Variants in MMP26 observed in about 807,000 individuals in gnomAD.
The protein encoded by MMP26 is matrix metallopeptidase 26, also known as matrix metalloproteinase-26.
In MMP26, 33 loss-of-function variants were observed where a neutral mutation model predicts 31.0. The observed-to-expected ratio is 1.06, with a 90% CI of 0.81 to 1.42. The LOEUF (loss-of-function observed/expected upper bound fraction) is 1.42. Ranked by LOEUF, MMP26 falls within the 40% of genes most tolerant of loss-of-function variation. The pLI, the probability that MMP26 is intolerant of heterozygous loss-of-function variation, is 0.00. For missense variants in MMP26, 347 were observed against 316.1 expected, an observed-to-expected ratio of 1.10 and a Z score of -0.74; for synonymous variants, 122 against 114.9, an observed-to-expected ratio of 1.06 and a Z score of -0.40.
chr11:4,930,687 T>C (rs1851334614), intron 2 of MMP26, among the ~76,000 whole-genome samples: 1 of 152,086 alleles, frequency 6.6e-6, no homozygotes, highest in South Asian at 2.1e-4. Flanking sequence ...TTTTAGCAAA[T>C]TGAAATTATT....
At chr11:4,784,204 G>T (rs928482868) in intron 2 of MMP26, among the ~76,000 whole-genome samples, 1 of 152,186 alleles carries the variant, frequency 6.6e-6, no homozygotes, top group South Asian at 2.1e-4. Flanking sequence ...CAGCATTTCA[G>T]CTGGGGCAGT....
rs1191357549 is a variant in MMP26 at position 4,813,021 on chromosome 11, A to G, written c.-145+45680A>G. Among the ~76,000 whole-genome samples the G allele has an allele frequency of 2.6e-5, 4 of 151,564 alleles. No individual in the cohort carries two copies. In the East Asian group the frequency reaches 7.8e-4, roughly 29 times the overall value. Reference sequence around the variant, plus strand: ...CGAGTGTGTGTGTGTGTATGTATATATATATATATATGGGAGTCCTGGAAA... The same window carrying G: ...CGAGTGTGTGTGTGTGTATGTATATGTATATATATATGGGAGTCCTGGAAA... On this transcript the variant is annotated intron_variant, in intron 2 of 7. Transcript: ENST00000380390.
intron 2 of MMP26, among the ~76,000 whole-genome samples, chr11:4,954,220 T>TAACTGAA (rs1554893496): frequency 8.3e-6 from 1 of 120,676 alleles, no homozygotes; most frequent in Non-Finnish European, 1.8e-5. Context: ...AAATGCTTGG[T>TAACTGAA]GACTTCTAGG....
intron 2 of MMP26, among the ~76,000 whole-genome samples, chr11:4,921,968 C>T (rs1270630599): frequency 6.6e-6 from 1 of 152,118 alleles, no homozygotes; most frequent in Non-Finnish European, 1.5e-5. Flanking sequence ...GTATTGTACC[C>T]ATTAGGTAAT....
intron 2 of MMP26, chr11:4,804,529 T>C (rs548392740): frequency 1.3e-6 from 1 of 786,370 alleles, no homozygotes; most frequent in East Asian, 2.4e-5. Context: ...TAGAATAATT[T>C]CAACTGTTTT....
At chr11:4,986,932 C>CCTCTCCCTCT (rs1846903405) in intron 2 of MMP26, among the ~76,000 whole-genome samples, 1 of 60,408 alleles carries the variant, frequency 1.7e-5, no homozygotes. Context: ...TCTCTCTCTC[C>CCTCTCCCTCT]CTCTCTCTCT....
chr11:4,976,357 T>C (rs1846735713), intron 2 of MMP26, among the ~76,000 whole-genome samples: 1 of 152,054 alleles, frequency 6.6e-6, no homozygotes, highest in Non-Finnish European at 1.5e-5. Flanking sequence ...ATGCAGATTG[T>C]CAAACCTTGA....
chr11:4,943,866 C>T (rs760365502), intron 2 of MMP26: 4 of 449,084 alleles, frequency 8.9e-6, no homozygotes, highest in South Asian at 6.4e-5. Flanking sequence ...CTGTCAAAAA[C>T]CCCTAAAATA....
chr11:4,975,657 T>C (rs1306648793), intron 2 of MMP26, among the ~76,000 whole-genome samples: 1 of 152,028 alleles, frequency 6.6e-6, no homozygotes, highest in African/African-American at 2.4e-5. Context: ...CTGCATGGCT[T>C]TTGTATGAAA....
At chr11:4,822,524 C>A in intron 2 of MMP26, 1 of 692,282 alleles carries the variant, frequency 1.4e-6, no homozygotes, top group Non-Finnish European at 2.1e-6. Flanking sequence ...ATTTCTTTGT[C>A]AATAAATTCA....
At chr11:4,951,948 A>G (rs1378334550) in intron 2 of MMP26, among the ~76,000 whole-genome samples, 1 of 124,814 alleles carries the variant, frequency 8.0e-6, no homozygotes, top group Non-Finnish European at 1.8e-5. Flanking sequence ...CATGTAAGTT[A>G]GCGGTGATAA....
intron 2 of MMP26, chr11:4,882,135 C>T: frequency 1.2e-6 from 2 of 1,613,866 alleles, no homozygotes; most frequent in South Asian, 2.2e-5. Context: ...ACCATTACGA[C>T]CCTTCCCACT....
chr11:4,882,474 C>G (rs1384900179), intron 2 of MMP26: 2 of 1,613,922 alleles, frequency 1.2e-6, no homozygotes, highest in Middle Eastern at 1.7e-4. Flanking sequence ...TACACATATT[C>G]CAAACCTTGG....
intron 2 of MMP26, among the ~76,000 whole-genome samples, chr11:4,987,155 T>A (rs139978878): frequency 0.029 from 4,448 of 152,014 alleles, 229 homozygotes; most frequent in African/African-American, 0.1. Context: ...GTGCTGGGAT[T>A]ACAGGTGTGA....
intron 1 of MMP26, chr11:4,723,752 C>G: frequency 7.0e-7 from 1 of 1,428,552 alleles, no homozygotes; most frequent in South Asian, 1.1e-5. Context: ...ATGTAGCTCT[C>G]GAACATGTTG....
chr11:4,782,098 T>C (rs959899429), intron 2 of MMP26, among the ~76,000 whole-genome samples: 1 of 152,194 alleles, frequency 6.6e-6, no homozygotes, highest in Non-Finnish European at 1.5e-5. Flanking sequence ...AGGACACTGC[T>C]GAAAAGATAC....
intron 2 of MMP26, chr11:4,938,377 C>T (rs1266127453): frequency 6.6e-6 from 1 of 151,146 alleles, no homozygotes; most frequent in African/African-American, 2.4e-5. Context: ...GAAGATATTG[C>T]TTTCTGTTAC....
intron 2 of MMP26, among the ~76,000 whole-genome samples, chr11:4,790,532 A>G (rs1003020714): frequency 2.6e-5 from 4 of 152,146 alleles, no homozygotes; most frequent in African/African-American, 9.7e-5. Flanking sequence ...AGAAGAAGGT[A>G]TGTAATTGCT....
At chr11:4,827,786 A>T (rs1849598008) in intron 2 of MMP26, among the ~76,000 whole-genome samples, 1 of 151,682 alleles carries the variant, frequency 6.6e-6, no homozygotes, top group Non-Finnish European at 1.5e-5. Flanking sequence ...CCTAAAAATT[A>T]CCTAAATTTA....
Sources: gnomAD v4.1 joint callset for allele counts (sites outside exome capture counted in the v4.1 genomes callset) on GRCh38, gnomAD v4.1.1 for gene constraint, MANE v1.5 for transcripts, NCBI Gene and HGNC (gene_info 2026-07-23, HGNC 2026-07-21) for gene names.